SI: variants seen among roughly 807,000 people sequenced by gnomAD.
SI encodes the protein sucrase-isomaltase, also known as sucrase-isomaltase, intestinal.
SI carries 235 observed loss-of-function variants against 253.3 expected under a neutral mutation model. The observed-to-expected ratio is 0.93, with a 90% confidence interval of 0.83 to 1.03. The LOEUF (loss-of-function observed/expected upper bound fraction) is 1.03, where lower values mean the gene tolerates loss of function less well. Ranked by LOEUF, SI falls within the 50% of genes least tolerant of loss-of-function variation. SI has a pLI of 0.00. For synonymous variants in SI, 819 were observed against 712.0 expected, an observed-to-expected ratio of 1.15 and a Z score of -2.39; for missense variants, 2,442 against 2,211.1, an observed-to-expected ratio of 1.10 and a Z score of -2.09.
chr3:165,038,272 A>G (rs1009055370), intron 20 of SI, among the ~76,000 whole-genome samples: 5 of 152,046 alleles, frequency 3.3e-5, no homozygotes, highest in African/African-American at 9.7e-5. Context: ...ACAATAATTA[A>G]CAGTACTTTA....
chr3:165,076,535 A>G (rs539897439), intron 1 of SI, among the ~76,000 whole-genome samples: 52 of 151,820 alleles, frequency 3.4e-4, no homozygotes, highest in Non-Finnish European at 6.8e-4. Flanking sequence ...TAATTCCAAC[A>G]CTACTTTCCA....
intron 16 of SI, among the ~76,000 whole-genome samples, chr3:165,043,731 ATTTC>A (rs376663491): frequency 6.6e-5 from 10 of 152,002 alleles, no homozygotes; most frequent in African/African-American, 2.2e-4. Context: ...ATTTACAAAC[ATTTC>A]TTTATTTTTT....
At chr3:165,003,229 G>A (rs1281062656) in intron 37 of SI, among the ~76,000 whole-genome samples, 3 of 151,820 alleles carry the variant, frequency 2.0e-5, no homozygotes, top group Non-Finnish European at 1.5e-5. Context: ...GTCTTCTGTG[G>A]AGAGGAATTT....
chr3:165,019,757 G>A lies in SI; in HGVS notation c.3268C>T (p.Leu1090=), dbSNP rs1576889410. ...TGGTCATTAAAAGCAAATCCAGGCA[G>A]CCAAGAATCCCAACTGAAAACAAAA... ...SSGRVIWDSW[L]PGFAFNDQFI... is the part of the protein sequence containing the mutation. Residue 1090 remains leucine, a synonymous_variant, in exon 28 of 48, where the codon CTG becomes TTG. Coordinates refer to ENST00000264382, the MANE Select transcript of SI (RefSeq NM_001041.4). 1 of 1,612,292 alleles carries A rather than the reference G, an allele frequency of 6.2e-7. No individual in the cohort carries two copies. The highest frequency in any genetic ancestry group is 8.5e-7 in the Non-Finnish European group (1 of 1,178,816).
intron 7 of SI, among the ~76,000 whole-genome samples, chr3:165,063,837 C>G (rs1174270841): frequency 1.3e-5 from 2 of 150,026 alleles, no homozygotes. Flanking sequence ...TAACTTATGC[C>G]CAGGTGGGTG....
At position 165,057,909 on chromosome 3, in the gene SI, C is replaced by A. The variant is rs369709460; in HGVS notation, c.1398+1054G>T. Among the ~76,000 whole-genome samples, 5 of 151,936 alleles carry A rather than the reference C, an allele frequency of 3.3e-5. No homozygotes were observed. The East Asian group carries it at 5.8e-4, about 18-fold the overall frequency. ...CAGAAAACCAACAAAGAAACATTGTCTTTAATCTTTATTATAAACTAAGTG... is the reference window on the plus strand; with the variant it reads ...CAGAAAACCAACAAAGAAACATTGTATTTAATCTTTATTATAAACTAAGTG... On this transcript the variant is annotated intron_variant, in intron 12 of 47. Coordinates refer to ENST00000264382, the MANE Select transcript of SI (RefSeq NM_001041.4).
chr3:165,021,950 A>G (rs1326597261), intron 26 of SI, among the ~76,000 whole-genome samples: 2 of 151,604 alleles, frequency 1.3e-5, no homozygotes, highest in African/African-American at 4.8e-5. Flanking sequence ...AATTAAAAGC[A>G]TTTATTTTTC....
At position 165,075,909 on chromosome 3, in the gene SI, G is replaced by A. The variant is rs1204723410; in HGVS notation, c.104C>T (p.Thr35Ile). ...IALIVVLATK[T>I]PAVDEISDST... ...GTACTACTTACCATCAACAGCAGGT[G>A]TCTTAGTTGCTAAAACAACAATTAA... Residue 35 changes from threonine to isoleucine, a missense_variant, in exon 2 of 48, where the codon ACA (threonine) becomes ATA (isoleucine). Coordinates refer to ENST00000264382, the MANE Select transcript of SI (RefSeq NM_001041.4). 6.3e-7 allele frequency: 1 copy of A among 1,576,682 alleles called. No homozygotes were observed. Among genetic ancestry groups the A allele is most frequent in the Non-Finnish European group, 8.7e-7 (1 of 1,147,180 alleles).
At chr3:165,001,728 G>A (rs2108145244) in intron 37 of SI, among the ~76,000 whole-genome samples, 1 of 151,374 alleles carries the variant, frequency 6.6e-6, no homozygotes, top group East Asian at 1.9e-4. Context: ...GAAAGTTACA[G>A]CTATAACTAA....
chr3:165,063,907 A>T (rs1384270041), intron 7 of SI, among the ~76,000 whole-genome samples: 1 of 93,460 alleles, frequency 1.1e-5, no homozygotes, highest in Non-Finnish European at 2.4e-5. Context: ...TGTTTCTACT[A>T]AAAATACAAA....
chr3:165,030,929 T>G lies in SI; in HGVS notation c.2737-62A>C, dbSNP rs111891739. 18 of 1,497,162 alleles carry G rather than the reference T, an allele frequency of 1.2e-5. No individual in the cohort carries two copies. The African/African-American group carries it at 1.4e-4, about 12-fold the overall frequency. The allele number at this position is 1,497,162 out of a possible 1,614,324, so 92.7% of individuals were successfully genotyped here. A position where few individuals can be genotyped will look rare whatever the true frequency, so the allele number is the denominator to read the frequency against. ...AAAAAACACAAACAAACAAAAACAT[T>G]AAACACTGTATCTGATCATTGGATG... On this transcript the variant is annotated intron_variant, in intron 24 of 47. Coordinates refer to ENST00000264382, the MANE Select transcript of SI (RefSeq NM_001041.4).
At chr3:164,998,752 A>T in intron 37 of SI, 79 bp from the exon 38 acceptor site, 1 of 1,212,844 alleles carries the variant, frequency 8.2e-7, no homozygotes. Flanking sequence ...CTACTTTGTA[A>T]AAAAAAATAG....
At chr3:165,039,507 C>A (rs917550542) in intron 19 of SI, among the ~76,000 whole-genome samples, 9 of 152,044 alleles carry the variant, frequency 5.9e-5, no homozygotes, top group South Asian at 2.1e-4. Flanking sequence ...GTTTCTCCAA[C>A]ATTTTCATCT....
intron 34 of SI, 44 bp downstream of exon 34, chr3:165,012,936 T>C (rs1718835799): frequency 3.3e-6 from 4 of 1,212,750 alleles, no homozygotes; most frequent in Non-Finnish European, 4.9e-6. Context: ...AAGTCTAAGT[T>C]TTGAATTTCT....
chr3:165,062,632 A>C (rs764001154), intron 8 of SI, 149 bp from the exon 9 acceptor site: 20 of 579,356 alleles, frequency 3.5e-5, no homozygotes, highest in Non-Finnish European at 6.2e-5. Context: ...TGAATGCAGG[A>C]ATAACATAGG....
rs533103752 is a variant in SI at position 165,040,761 on chromosome 3, A to G, written c.2159+179T>C. Among the ~76,000 whole-genome samples, 11 of 152,164 alleles carry G rather than the reference A, an allele frequency of 7.2e-5. No homozygotes were observed. The South Asian group carries it at 2.3e-3, about 32-fold the overall frequency. On this transcript the variant is annotated intron_variant, in intron 18 of 47. Transcript: ENST00000264382. Reference sequence around the variant, plus strand: ...TTAATTCTCTCATTTCTACCTAAATATTGTCCAATTAATTATATTTACTGG... The same window carrying G: ...TTAATTCTCTCATTTCTACCTAAATGTTGTCCAATTAATTATATTTACTGG...
chr3:165,014,272 G>A (rs915929883), intron 33 of SI, among the ~76,000 whole-genome samples: 3 of 151,746 alleles, frequency 2.0e-5, no homozygotes, highest in South Asian at 4.2e-4. Flanking sequence ...GTTTTGAGAC[G>A]GAGTCTCGCT....
intron 31 of SI, 87 bp downstream of exon 31, chr3:165,017,461 G>T: frequency 2.2e-6 from 3 of 1,338,162 alleles, no homozygotes; most frequent in Non-Finnish European, 2.1e-6. Flanking sequence ...ATTACCAGCT[G>T]CTTAAATTAA....
intron 45 of SI, among the ~76,000 whole-genome samples, chr3:164,983,337 A>T (rs1041245724): frequency 6.6e-6 from 1 of 152,154 alleles, no homozygotes; most frequent in Non-Finnish European, 1.5e-5. Flanking sequence ...TTTCACACAC[A>T]ACAGTGGGAA....
Sources: allele counts gnomAD v4.1 joint callset (sites outside exome capture counted in the v4.1 genomes callset), GRCh38; gene constraint gnomAD v4.1.1; transcripts MANE v1.5; gene names NCBI Gene and HGNC (gene_info 2026-07-23, HGNC 2026-07-21).